The following RTN4 variants were observed in gnomAD, a reference collection of about 807,000 sequenced individuals.
RTN4 encodes reticulon-4.
In RTN4, 32 loss-of-function variants were observed where a neutral mutation model predicts 90.4. The ratio of observed to expected loss-of-function variants is 0.35; its 90% CI spans 0.27 to 0.48. RTN4 has a LOEUF of 0.48. Among genes scored for constraint, RTN4 ranks in the 20% least tolerant of loss-of-function variants. The pLI is 0.99. For missense variants in RTN4, 1,706 were observed against 1,430.2 expected, an observed-to-expected ratio of 1.19 and a Z score of -3.11; for synonymous variants, 629 against 552.5, an observed-to-expected ratio of 1.14 and a Z score of -1.94.
At chr2:55,059,904 C>T (rs1228843613) in intron 2 of RTN4, among the ~76,000 whole-genome samples, 11 of 151,982 alleles carry the variant, frequency 7.2e-5, no homozygotes, top group Admixed American at 7.2e-4. Flanking sequence ...TCTCTAACTC[C>T]TGGGTTCAAG....
chr2:55,085,198 G>A lies in RTN4; in HGVS notation c.-213-4559C>T, dbSNP rs371248656. Among the ~76,000 whole-genome samples, 27 of 152,242 alleles carry A rather than the reference G, an allele frequency of 1.8e-4. No individual in the cohort carries two copies. In the East Asian group the frequency reaches 1.9e-3, roughly 11 times the overall value. ...GAGAAATAGAACTGTGTGTGTGTGC[G>A]TAGACATAACAGGAGATATATACAC... On this transcript the variant is annotated intron_variant, in intron 1 of 3. Transcript: ENST00000427710.
chr2:55,025,839 G>A lies in RTN4; in HGVS notation c.2260C>T (p.Pro754Ser), dbSNP rs780939177. 5 of 1,613,656 alleles carry A rather than the reference G, an allele frequency of 3.1e-6. No individual in the cohort carries two copies. Among genetic ancestry groups the A allele is most frequent in the Non-Finnish European group, 4.2e-6 (5 of 1,179,798 alleles). Residue 754 changes from proline to serine, a missense_variant, in exon 3 of 9, where the codon CCT becomes TCT. Physicochemically the swap from Pro to Ser is moderately conservative, Grantham distance 74. Transcript: ENST00000337526. The stretch of plus-strand genomic sequence containing the variant: ...TCATCTTGTTTTTGTGGAACGTCAG[G>A]TATTGAATCATCACTAAATAAGTCA... Reference protein sequence around the residue: ...PVDLFSDDSIPDVPQKQDETV... With the variant: ...PVDLFSDDSISDVPQKQDETV...
rs1414119798 is a variant in RTN4, at chr2:55,095,238, C to T, written c.-213-14599G>A. 4.6e-5 allele frequency among the ~76,000 whole-genome samples: 7 copies of T among 151,954 alleles called. No homozygotes were observed. The South Asian group carries it at 6.2e-4, about 14-fold the overall frequency. On this transcript the variant is annotated intron_variant, in intron 1 of 3. Transcript: ENST00000427710. ...ACTTGGGAGGCTGAGGCAGGAGAATCGCTTGAACCTGGCAGGCGGAAATTG... is the reference window on the plus strand; with the variant it reads ...ACTTGGGAGGCTGAGGCAGGAGAATTGCTTGAACCTGGCAGGCGGAAATTG...
intron 5 of RTN4, among the ~76,000 whole-genome samples, chr2:54,981,888 T>C (rs1025264874): frequency 6.6e-5 from 10 of 151,956 alleles, no homozygotes; most frequent in Non-Finnish European, 1.3e-4. Context: ...TTTATGCTTA[T>C]AGTCAAAATT....
At chr2:55,106,690 T>G (rs1421986383) in intron 1 of RTN4, among the ~76,000 whole-genome samples, 1 of 151,908 alleles carries the variant, frequency 6.6e-6, no homozygotes, top group Non-Finnish European at 1.5e-5. Context: ...CGGCTAATTT[T>G]TGTATTTTTA....
In RTN4 at chr2:54,982,548, G is replaced by C; in HGVS notation, c.3327C>G (p.Leu1109=). The C allele has an allele frequency of 6.2e-7, 1 of 1,612,700 alleles. No individual in the cohort carries two copies. Among genetic ancestry groups the C allele is most frequent in the Non-Finnish European group, 8.5e-7 (1 of 1,179,614 alleles). The change falls in exon 5 of 9, where the codon CTC becomes CTG. Residue 1109 remains leucine (L), a synonymous_variant. Coordinates refer to ENST00000337526, the MANE Select transcript of RTN4 (RefSeq NM_020532.5). ...AATCAACTAAATCATCAACTAAGAA[G>C]AGGCGCCTGAGTTCCTTTATCGTGC... ...VNCTIKELRR[L]FLVDDLVDSL...
rs113015786 is a variant in RTN4, at chr2:55,072,323, G to A, written c.-63+8166C>T. Among the ~76,000 whole-genome samples, 646 of 151,956 alleles carry A rather than the reference G, an allele frequency of 4.3e-3. 6 individuals carry two copies. Among genetic ancestry groups the A allele is most frequent in the African/African-American group, 0.015 (607 of 41,412 alleles). On this transcript the variant is annotated intron_variant, in intron 2 of 3. Transcript: ENST00000427710. ...CTGCTCACTGCAAGCTCCACCTCCC[G>A]TGTTCACGCCATTCTCCTGCCTCAG...
At position 55,025,198 on chromosome 2, in the gene RTN4, T is replaced by C. The variant is rs199592685; in HGVS notation, c.2901A>G (p.Ile967Met). 7 of 1,613,860 alleles carry C rather than the reference T, an allele frequency of 4.3e-6. No individual in the cohort carries two copies. Among genetic ancestry groups the C allele is most frequent in the Middle Eastern group, 1.7e-4 (1 of 6,056 alleles). Reference sequence around the variant, plus strand: ...CTTTCACAAGAACTTTGGGTTTAACTATGCTCTCTATCTCTGCTTGAGTGG... The same window carrying C: ...CTTTCACAAGAACTTTGGGTTTAACCATGCTCTCTATCTCTGCTTGAGTGG... Reference protein sequence around the residue: ...ALATQAEIESIVKPKVLVKEA... With the variant: ...ALATQAEIESMVKPKVLVKEA... The change falls in exon 3 of 9, where the codon ATA (isoleucine) becomes ATG (methionine). Residue 967 changes from isoleucine (I) to methionine (M), a missense_variant. Physicochemically the swap from Ile to Met is conservative, Grantham distance 10 (BLOSUM62 1). Transcript: ENST00000337526.
chr2:55,078,316 G>A (rs1668640445), intron 2 of RTN4, among the ~76,000 whole-genome samples: 2 of 152,108 alleles, frequency 1.3e-5, no homozygotes, highest in Admixed American at 1.3e-4. Context: ...ATGGCTCACT[G>A]CAGCCTCAAC....
rs1553449539 is a variant in RTN4, at chr2:55,066,195, G to GTGTGTT, written c.-63+14293_-63+14294insAACACA. On this transcript the variant is annotated intron_variant, in intron 2 of 3. Coordinates refer to the RTN4 transcript ENST00000427710. The stretch of plus-strand genomic sequence containing the variant: ...TGTGTGTGTGTGTGTGTGTGTGTTT[G>GTGTGTT]TGTGTGTGTGTGTGTGTGTGTGTGT... 5.0e-4 allele frequency among the ~76,000 whole-genome samples: 31 copies of GTGTGTT among 62,558 alleles called. No homozygotes were observed. The East Asian group carries it at 0.02, about 40-fold the overall frequency. The allele number at this position is 62,558 out of a possible 152,430, so 41.0% of individuals were successfully genotyped here. A position where few individuals can be genotyped will look rare whatever the true frequency, so the allele number is the denominator to read the frequency against.
At chr2:55,060,061 G>A (rs1451295412) in intron 2 of RTN4, among the ~76,000 whole-genome samples, 3 of 152,164 alleles carry the variant, frequency 2.0e-5, no homozygotes, top group Non-Finnish European at 4.4e-5. Flanking sequence ...ACTGCAGTCA[G>A]CCAGTGGGTG....
At chr2:54,979,326 G>C (rs1003547725) in intron 5 of RTN4, among the ~76,000 whole-genome samples, 1 of 152,070 alleles carries the variant, frequency 6.6e-6, no homozygotes, top group African/African-American at 2.4e-5. Context: ...CCAAAGTGCT[G>C]GGATTACAGG....
chr2:55,127,826 T>C, the RTN4 span, among the ~76,000 whole-genome samples: 1 of 152,186 alleles, frequency 6.6e-6, no homozygotes, highest in Non-Finnish European at 1.5e-5. Flanking sequence ...CTACCTAGCA[T>C]GGTGCATTAC....
chr2:55,135,367 T>C, the RTN4 span, among the ~76,000 whole-genome samples: 14,239 of 151,950 alleles, frequency 0.094, 778 homozygotes, highest in East Asian at 0.22. Flanking sequence ...CCACCATTCC[T>C]GGCCAATTTC....
chr2:55,112,962 CAT>C (rs569187056), upstream of RTN4, among the ~76,000 whole-genome samples: 63 of 152,314 alleles, frequency 4.1e-4, no homozygotes, highest in African/African-American at 1.4e-3. Context: ...TCTCTAGACA[CAT>C]GACAACAAAC....
At chr2:54,989,059 G>C (rs1678803778) in intron 3 of RTN4, among the ~76,000 whole-genome samples, 1 of 152,184 alleles carries the variant, frequency 6.6e-6, no homozygotes, top group Non-Finnish European at 1.5e-5. Flanking sequence ...CTTTGGTTTT[G>C]ATCCCCAAGG....
chr2:55,032,271 G>A (rs1682372484), intron 1 of RTN4, among the ~76,000 whole-genome samples: 1 of 151,962 alleles, frequency 6.6e-6, no homozygotes, highest in South Asian at 2.1e-4. Context: ...GTAGAGACGG[G>A]GTTCACTACG....
At chr2:55,033,402 T>C (rs995072770) in intron 1 of RTN4, among the ~76,000 whole-genome samples, 2 of 152,168 alleles carry the variant, frequency 1.3e-5, no homozygotes. Context: ...CTCACTAAAT[T>C]TGTAGCCCCA....
At chr2:55,048,960 C>G in intron 1 of RTN4, 1 of 300,564 alleles carries the variant, frequency 3.3e-6, no homozygotes, top group Non-Finnish European at 4.9e-6. Context: ...CAGCTGAAAC[C>G]CCGGCAGAAC....
Sources: gnomAD v4.1 joint callset for allele counts (sites outside exome capture counted in the v4.1 genomes callset) on GRCh38, gnomAD v4.1.1 for gene constraint, MANE v1.5 for transcripts, NCBI Gene and HGNC (gene_info 2026-07-23, HGNC 2026-07-21) for gene names.